The following CDH18 variants were observed in gnomAD, a reference collection of about 807,000 sequenced individuals.
CDH18 encodes cadherin 18, also known as cadherin-18.
Under a neutral mutation model 67.9 loss-of-function variants are expected in CDH18, and 31 were observed. The observed-to-expected ratio is 0.46, with a 90% CI of 0.34 to 0.62. The LOEUF is 0.62. Ranked by LOEUF, CDH18 falls within the 20% of genes least tolerant of loss-of-function variation. The pLI is 0.01. For missense variants in CDH18, 890 were observed against 975.5 expected, an observed-to-expected ratio of 0.91 and a Z score of 1.17; for synonymous variants, 362 against 347.2, an observed-to-expected ratio of 1.04 and a Z score of -0.48.
At position 19,538,994 on chromosome 5, in the gene CDH18, G is replaced by GT. The variant is rs1749826903; in HGVS notation, c.1390+4874dup. 2.0e-5 allele frequency among the ~76,000 whole-genome samples: 3 copies of GT among 152,278 alleles called. No individual in the cohort carries two copies. In the East Asian group the frequency reaches 5.8e-4, roughly 29 times the overall value. ...ACAGAATATATTAGAAAATACTTGG[G>GT]TAGCGTGGTGATGTTGAGGTTAAGG... On this transcript the variant is annotated intron_variant, in intron 9 of 12. Coordinates refer to ENST00000382275, the MANE Select transcript of CDH18 (RefSeq NM_004934.5).
chr5:19,857,398 A>T (rs1784426556), intron 2 of CDH18, among the ~76,000 whole-genome samples: 1 of 152,174 alleles, frequency 6.6e-6, no homozygotes, highest in Non-Finnish European at 1.5e-5. Context: ...ACTTATTTGC[A>T]TCTTAACTTC....
chr5:20,095,060 A>T (rs2150566311), intron 2 of CDH18, among the ~76,000 whole-genome samples: 1 of 152,128 alleles, frequency 6.6e-6, no homozygotes, highest in Admixed American at 6.5e-5. Context: ...CAGGGACAGA[A>T]AAACAAACAC....
intron 1 of CDH18, among the ~76,000 whole-genome samples, chr5:20,393,288 A>G (rs966290193): frequency 6.6e-6 from 1 of 152,116 alleles, no homozygotes; most frequent in East Asian, 1.9e-4. Flanking sequence ...ACTTTTGCTC[A>G]ATGATTTATT....
intron 2 of CDH18, among the ~76,000 whole-genome samples, chr5:20,102,230 G>A (rs1238821857): frequency 6.9e-6 from 1 of 144,964 alleles, no homozygotes; most frequent in Non-Finnish European, 1.5e-5. Flanking sequence ...GTGTGTGTGT[G>A]TGTGTGTGTG....
In CDH18 at chr5:19,543,862, A is replaced by G. The variant is rs1331483580; in HGVS notation, c.1390+7T>C. The stretch of plus-strand genomic sequence containing the variant: ...CATCTTTTACTGTGATACATAAAGT[A>G]GTTTACCAATTTCTGAAGCAGTGAC... On this transcript the variant is annotated splice_region_variant and intron_variant, in intron 9 of 12. Transcript: ENST00000382275. 3.2e-6 allele frequency: 5 copies of G among 1,571,176 alleles called. No homozygotes were observed. The Admixed American group carries it at 5.3e-5, about 17-fold the overall frequency.
At chr5:20,116,985 C>A (rs1295431552) in intron 2 of CDH18, among the ~76,000 whole-genome samples, 1 of 151,768 alleles carries the variant, frequency 6.6e-6, no homozygotes, top group Non-Finnish European at 1.5e-5. Flanking sequence ...TTTACTAGAA[C>A]TATCTTTCCA....
chr5:20,140,908 A>G (rs1252672861), intron 2 of CDH18, among the ~76,000 whole-genome samples: 1 of 152,064 alleles, frequency 6.6e-6, no homozygotes, highest in African/African-American at 2.4e-5. Context: ...GTATTTTCCA[A>G]TTCAAGCTCT....
At chr5:20,180,793 T>C (rs111935836) in intron 2 of CDH18, among the ~76,000 whole-genome samples, 5,236 of 151,690 alleles carry the variant, frequency 0.035, 309 homozygotes, top group African/African-American at 0.12. Context: ...AACCTGCCGA[T>C]CCACCTAGGA....
chr5:20,405,845 C>T (rs10473412), intron 1 of CDH18, among the ~76,000 whole-genome samples: 82,457 of 151,580 alleles, frequency 0.54, 22,798 homozygotes, highest in Middle Eastern at 0.61. Context: ...CTCATCATCA[C>T]TGGTCATCAG....
Position 19,591,123 on chromosome 5 carries a change from A to G in CDH18, c.933T>C (p.Asp311=), listed in dbSNP as rs1317977368. The change falls in exon 7 of 13, where the codon GAT becomes GAC. Residue 311 remains aspartate (D), a synonymous_variant. Coordinates refer to ENST00000382275, the MANE Select transcript of CDH18 (RefSeq NM_004934.5). ...TGGAGATTGAGAATATTCCCATGCC[A>G]TCACCATTTATGATGGAGTAGGTCA... ...ADMTYSIING[D]GMGIFSISTD... The G allele has an allele frequency of 1.2e-5, 20 of 1,611,864 alleles. No individual in the cohort carries two copies. Among genetic ancestry groups the G allele is most frequent in the South Asian group, 3.3e-5 (3 of 90,930 alleles).
intron 1 of CDH18, among the ~76,000 whole-genome samples, chr5:20,335,019 T>C: frequency 6.6e-6 from 1 of 152,100 alleles, no homozygotes; most frequent in East Asian, 1.9e-4. Context: ...TACTGGTCTT[T>C]TTGAGTCTTC....
chr5:19,591,402 TTAAA>T (rs1243132468), intron 6 of CDH18, among the ~76,000 whole-genome samples, 158 bp from the exon 7 acceptor site: 1 of 152,162 alleles, frequency 6.6e-6, no homozygotes, highest in African/African-American at 2.4e-5. Flanking sequence ...TATTTTGTAA[TTAAA>T]TACTAGATTT....
chr5:19,903,541 G>GTGTATA (rs374931710), intron 2 of CDH18, among the ~76,000 whole-genome samples: 5 of 124,732 alleles, frequency 4.0e-5, no homozygotes, highest in Admixed American at 1.7e-4. Context: ...GTGTGTGTGT[G>GTGTATA]TATATATATA....
chr5:19,499,161 G>A (rs1284821511), intron 11 of CDH18, among the ~76,000 whole-genome samples: 1 of 152,152 alleles, frequency 6.6e-6, no homozygotes, highest in Non-Finnish European at 1.5e-5. Context: ...TGTCCCTCAT[G>A]TAGAAATTAA....
intron 2 of CDH18, among the ~76,000 whole-genome samples, chr5:19,911,576 A>C (rs11960225): frequency 6.6e-6 from 1 of 151,522 alleles, no homozygotes; most frequent in Non-Finnish European, 1.5e-5. Context: ...ATAGTTCCCA[A>C]ATAGAAAGAG....
chr5:20,341,414 A>G (rs1430484382), intron 1 of CDH18, among the ~76,000 whole-genome samples: 2 of 152,060 alleles, frequency 1.3e-5, no homozygotes, highest in African/African-American at 4.8e-5. Context: ...TTTAGGACTC[A>G]GACTGGCTCT....
intron 3 of CDH18, among the ~76,000 whole-genome samples, chr5:19,758,181 C>T (rs550732893): frequency 4.6e-5 from 7 of 152,228 alleles, no homozygotes; most frequent in East Asian, 1.9e-4. Flanking sequence ...GATGATAGAA[C>T]GCTGCTGTGT....
chr5:20,331,160 T>C (rs1016775829), intron 1 of CDH18, among the ~76,000 whole-genome samples: 21 of 152,216 alleles, frequency 1.4e-4, no homozygotes, highest in African/African-American at 5.1e-4. Context: ...TATGTTTTCT[T>C]TAACCTCTGT....
intron 3 of CDH18, among the ~76,000 whole-genome samples, chr5:19,809,775 A>G (rs1778446073): frequency 6.6e-6 from 1 of 152,202 alleles, no homozygotes; most frequent in Non-Finnish European, 1.5e-5. Flanking sequence ...AGTTAAAAAG[A>G]TAAGTGGCTC....
Sources: allele counts gnomAD v4.1 joint callset (sites outside exome capture counted in the v4.1 genomes callset), GRCh38; gene constraint gnomAD v4.1.1; transcripts MANE v1.5; gene names NCBI Gene and HGNC (gene_info 2026-07-23, HGNC 2026-07-21).